TMEM177: variants seen among roughly 807,000 people sequenced by gnomAD.
TMEM177 encodes the protein transmembrane protein 177.
In TMEM177, 4 loss-of-function variants were observed where a neutral mutation model predicts 14.2. The ratio of observed to expected loss-of-function variants is 0.28; its 90% CI spans 0.14 to 0.64. The LOEUF is 0.64. Among genes scored for constraint, TMEM177 ranks in the 30% least tolerant of loss-of-function variants. TMEM177 has a pLI of 0.82. For missense variants in TMEM177, 344 were observed against 405.2 expected (o/e 0.85, Z 1.30); for synonymous variants, 179 against 174.5 (o/e 1.03, Z -0.20).
chr2:119,702,352 G>A, the TMEM177 span, among the ~76,000 whole-genome samples: 1 of 152,246 alleles, frequency 6.6e-6, no homozygotes, highest in Non-Finnish European at 1.5e-5. Flanking sequence ...TCAGGAATGT[G>A]GGGCCTCTCA....
chr2:119,681,657 G>T lies in TMEM177; in HGVS notation c.804G>T (p.Gly268=), dbSNP rs1688908712. ...TGCGCAGTCTCTTGGGCAAAGACGG[G>T]GAGAAGCTGTATACACCCAGCGGGA... ...LALRSLLGKD[G]EKLYTPSGNI... The change falls in exon 2 of 2, where the codon GGG becomes GGT. Residue 268 remains glycine, a synonymous_variant. Transcript: ENST00000272521. 6.2e-7 allele frequency: 1 copy of T among 1,614,200 alleles called. No homozygotes were observed. The highest frequency in any genetic ancestry group is 8.5e-7 in the Non-Finnish European group (1 of 1,180,038).
chr2:119,694,666 C>T, the TMEM177 span, among the ~76,000 whole-genome samples: 1 of 152,234 alleles, frequency 6.6e-6, no homozygotes, highest in African/African-American at 2.4e-5. Context: ...AGGGTCACTT[C>T]CCCGCGAAAG....
the TMEM177 span, among the ~76,000 whole-genome samples, chr2:119,700,891 A>G: frequency 6.6e-6 from 1 of 152,164 alleles, no homozygotes; most frequent in African/African-American, 2.4e-5. Flanking sequence ...TGAGATCTTT[A>G]CATGCATGCA....
chr2:119,684,404 C>T (rs191182210), downstream of TMEM177, among the ~76,000 whole-genome samples: 5 of 152,208 alleles, frequency 3.3e-5, no homozygotes, highest in Admixed American at 3.3e-4. Context: ...AATACCTCTT[C>T]CTCGCCCTAC....
At chr2:119,705,990 A>ATATATATTATATATTATATATATATAT in the TMEM177 span, among the ~76,000 whole-genome samples, 1 of 14,612 alleles carries the variant, frequency 6.8e-5, no homozygotes, top group East Asian at 3.0e-3. Flanking sequence ...CTCTCTATAT[A>ATATATATTATATATTATATATATATAT]TATATATTAT....
chr2:119,697,932 AG>A, the TMEM177 span, among the ~76,000 whole-genome samples: 1 of 152,224 alleles, frequency 6.6e-6, no homozygotes, highest in African/African-American at 2.4e-5. Flanking sequence ...CCCTCTTCAT[AG>A]GGGAGAGGGA....
At chr2:119,700,521 T>C in the TMEM177 span, among the ~76,000 whole-genome samples, 1 of 152,092 alleles carries the variant, frequency 6.6e-6, no homozygotes, top group Non-Finnish European at 1.5e-5. Flanking sequence ...CTCACAACAC[T>C]GCAATGGGGA....
chr2:119,689,390 C>T (rs1689062474), downstream of TMEM177, among the ~76,000 whole-genome samples: 1 of 152,222 alleles, frequency 6.6e-6, no homozygotes, highest in African/African-American at 2.4e-5. Flanking sequence ...GCAGCCAACT[C>T]AGCTGGGATG....
the TMEM177 span, among the ~76,000 whole-genome samples, chr2:119,712,244 C>T: frequency 2.0e-5 from 3 of 152,014 alleles, no homozygotes; most frequent in African/African-American, 7.3e-5. Flanking sequence ...CAATTCTGTA[C>T]TCTCTCCTGC....
At chr2:119,708,039 A>G in the TMEM177 span, among the ~76,000 whole-genome samples, 1 of 152,198 alleles carries the variant, frequency 6.6e-6, no homozygotes, top group African/African-American at 2.4e-5. Flanking sequence ...CTCCAGCGAC[A>G]GCACTTTCCT....
chr2:119,719,442 A>G, the TMEM177 span, among the ~76,000 whole-genome samples: 8 of 152,162 alleles, frequency 5.3e-5, no homozygotes, highest in African/African-American at 1.4e-4. Flanking sequence ...TCAGAGTGTG[A>G]TTGCTGTAAG....
At chr2:119,684,282 A>C (rs1017978297), downstream of TMEM177, among the ~76,000 whole-genome samples, 39 of 152,162 alleles carry the variant, frequency 2.6e-4, no homozygotes, top group African/African-American at 8.9e-4. Flanking sequence ...TCAGTTATTT[A>C]GTGTTCCTCC....
the TMEM177 span, among the ~76,000 whole-genome samples, chr2:119,700,431 T>A: frequency 1.3e-5 from 2 of 152,184 alleles, no homozygotes; most frequent in Non-Finnish European, 2.9e-5. Flanking sequence ...CTCGAGCTTG[T>A]CCACATGGAG....
chr2:119,706,184 C>T, the TMEM177 span, among the ~76,000 whole-genome samples: 7 of 152,008 alleles, frequency 4.6e-5, no homozygotes, highest in South Asian at 1.2e-3. Context: ...CCACCACGCC[C>T]GGCTACTTTT....
chr2:119,681,262 G>T lies in TMEM177; in HGVS notation c.409G>T (p.Ala137Ser), dbSNP rs114560189. ...AGTGGACTGGCGGAGCCCAGCAGGC[G>T]CCCGGCTGAGAGCTTCCCTGACCTT... is the stretch of plus-strand genomic sequence containing the variant. ...HTVDWRSPAG[A>S]RLRASLTLSR... The change falls in exon 2 of 2, where the codon GCC (alanine) becomes TCC (serine). Residue 137 changes from alanine (A) to serine (S), a missense_variant. Coordinates refer to ENST00000272521, the MANE Select transcript of TMEM177 (RefSeq NM_030577.3). 2.5e-6 allele frequency: 4 copies of T among 1,614,246 alleles called. No individual in the cohort carries two copies. Among genetic ancestry groups the T allele is most frequent in the Non-Finnish European group, 3.4e-6 (4 of 1,180,048 alleles).
At chr2:119,707,721 C>G in the TMEM177 span, among the ~76,000 whole-genome samples, 1 of 152,196 alleles carries the variant, frequency 6.6e-6, no homozygotes, top group Non-Finnish European at 1.5e-5. Context: ...CAAAAATGCA[C>G]AGAGAGAACA....
chr2:119,708,672 CACAT>C, the TMEM177 span, among the ~76,000 whole-genome samples: 20 of 142,882 alleles, frequency 1.4e-4, no homozygotes, highest in African/African-American at 4.6e-4. Flanking sequence ...CACACACACA[CACAT>C]ACACACACAC....
At chr2:119,718,379 G>A in the TMEM177 span, among the ~76,000 whole-genome samples, 1 of 152,210 alleles carries the variant, frequency 6.6e-6, no homozygotes, top group Non-Finnish European at 1.5e-5. Flanking sequence ...TCTTTAAATG[G>A]GGACTGGGGG....
At chr2:119,697,979 ATTATTT>A in the TMEM177 span, among the ~76,000 whole-genome samples, 1 of 152,156 alleles carries the variant, frequency 6.6e-6, no homozygotes, top group Non-Finnish European at 1.5e-5. Flanking sequence ...GGCATAATAA[ATTATTT>A]TTAGGGGAAA....
Sources: allele counts gnomAD v4.1 joint callset (sites outside exome capture counted in the v4.1 genomes callset), GRCh38; gene constraint gnomAD v4.1.1; transcripts MANE v1.5; gene names NCBI Gene and HGNC (gene_info 2026-07-23, HGNC 2026-07-21).